Variants in PPP1R7 observed in about 807,000 individuals in gnomAD.
PPP1R7 encodes the protein protein phosphatase 1 regulatory subunit 7.
Under a neutral mutation model 45.2 loss-of-function variants are expected in PPP1R7, and 18 were observed. The observed-to-expected ratio is 0.40, with a 90% CI of 0.28 to 0.59. The LOEUF is 0.59. PPP1R7 is among the 20% of genes least tolerant of loss of function. The pLI, the probability that PPP1R7 is intolerant of heterozygous loss-of-function variation, is 0.46. For missense variants in PPP1R7, 314 were observed against 455.8 expected (o/e 0.69, Z 2.83); for synonymous variants, 181 against 183.4 (o/e 0.99, Z 0.11).
At chr2:241,157,952 G>T (rs944739510) in intron 3 of PPP1R7, 90 bp downstream of exon 3, 2 of 1,398,656 alleles carry the variant, frequency 1.4e-6, no homozygotes, top group Non-Finnish European at 2.0e-6. Context: ...TATTTCCCTA[G>T]AGAGGTGGCC....
chr2:241,150,074 G>T (rs2067214002), upstream of PPP1R7: 2 of 1,285,582 alleles, frequency 1.6e-6, no homozygotes, highest in South Asian at 2.0e-5. Flanking sequence ...GGACTGGCCC[G>T]CACCTTGCAG....
chr2:241,166,907 G>A (rs1220244091), intron 8 of PPP1R7: 18 of 721,774 alleles, frequency 2.5e-5, no homozygotes, highest in Middle Eastern at 3.4e-4. Context: ...GAGAGCACAG[G>A]ACCAGCTCTC....
At chr2:241,154,459 G>A (rs187184582) in intron 2 of PPP1R7, among the ~76,000 whole-genome samples, 177 of 152,212 alleles carry the variant, frequency 1.2e-3, no homozygotes, top group African/African-American at 3.6e-3. Flanking sequence ...AGGCCAAGGC[G>A]GGTGGATCAC....
rs149047420 is a variant in PPP1R7 at position 241,168,267 on chromosome 2, G to A, written c.820-1514G>A. 2.8e-3 allele frequency among the ~76,000 whole-genome samples: 430 copies of A among 152,256 alleles called. 7 individuals are homozygous for A. Among genetic ancestry groups the A allele is most frequent in the South Asian group, 1.0e-3 (5 of 4,820 alleles). Reference sequence around the variant, plus strand: ...TCCCTGAGCTCAGAGGTGATGGACCGGTTCTGACAGCCAGAGCCCACCACC... The same window carrying A: ...TCCCTGAGCTCAGAGGTGATGGACCAGTTCTGACAGCCAGAGCCCACCACC... On this transcript the variant is annotated intron_variant, in intron 8 of 9. Transcript: ENST00000234038.
In PPP1R7 at chr2:241,156,896, CTG is replaced by C. The variant is rs558605683; in HGVS notation, c.182-907_182-906del. Among the ~76,000 whole-genome samples the C allele has an allele frequency of 1.3e-4, 20 of 152,170 alleles. No individual in the cohort carries two copies. The East Asian group carries it at 2.3e-3, about 18-fold the overall frequency. On this transcript the variant is annotated intron_variant, in intron 2 of 9. Coordinates refer to ENST00000234038, the MANE Select transcript of PPP1R7 (RefSeq NM_002712.3). ...TGCGTGTTTGTGTGTCTGCATGAGT[CTG>C]TGTATACCACTGTTGTGCATGCGTG...
At chr2:241,169,114 C>T (rs2067770964) in intron 8 of PPP1R7, among the ~76,000 whole-genome samples, 1 of 152,192 alleles carries the variant, frequency 6.6e-6, no homozygotes, top group South Asian at 2.1e-4. Flanking sequence ...ATCCTAAAAA[C>T]ACACTCTTGT....
At chr2:241,167,111 C>T (rs1441963567) in intron 8 of PPP1R7, 1 of 1,594,872 alleles carries the variant, frequency 6.3e-7, no homozygotes, top group Admixed American at 1.7e-5. Flanking sequence ...TCAGCTGCCT[C>T]CAGCTCACCC....
At chr2:241,150,166 G>A, upstream of PPP1R7, 1 of 1,271,090 alleles carries the variant, frequency 7.9e-7, no homozygotes, top group East Asian at 3.4e-5. Context: ...TCAAGCCCAG[G>A]GCGTCTCTCC....
chr2:241,163,161 T>TA, intron 6 of PPP1R7, 124 bp from the exon 7 acceptor site: 3 of 667,200 alleles, frequency 4.5e-6, no homozygotes, highest in Non-Finnish European at 8.1e-6. Context: ...TCTTAGCAGA[T>TA]ACGTCACTAG....
intron 9 of PPP1R7, among the ~76,000 whole-genome samples, chr2:241,174,622 A>G (rs7565364): frequency 0.45 from 67,655 of 151,236 alleles, 15,400 homozygotes; most frequent in East Asian, 0.63. Context: ...AAGAATCACT[A>G]TCTGTGTTGC....
At chr2:241,155,090 G>A (rs1387340111) in intron 2 of PPP1R7, 4 of 152,198 alleles carry the variant, frequency 2.6e-5, no homozygotes, top group Non-Finnish European at 4.4e-5. Flanking sequence ...GGAAGCTTCC[G>A]TCATCGCCTG....
chr2:241,169,466 A>G (rs138896295), intron 8 of PPP1R7, among the ~76,000 whole-genome samples: 330 of 152,356 alleles, frequency 2.2e-3, no homozygotes, highest in Non-Finnish European at 4.0e-3. Flanking sequence ...TCCTGGGACC[A>G]TCAGTCTCAC....
At chr2:241,161,014 G>A (rs946142317) in intron 6 of PPP1R7, among the ~76,000 whole-genome samples, 5 of 143,234 alleles carry the variant, frequency 3.5e-5, no homozygotes, top group African/African-American at 5.3e-5. Flanking sequence ...GTGAATTGAT[G>A]TACATACCGG....
At chr2:241,154,961 A>G (rs988426389) in intron 2 of PPP1R7, 1 of 152,244 alleles carries the variant, frequency 6.6e-6, no homozygotes, top group African/African-American at 2.4e-5. Context: ...AACTATGGCA[A>G]CCTACTTTTA....
chr2:241,169,727 C>T (rs2067782214), intron 8 of PPP1R7, 54 bp from the exon 9 acceptor site: 3 of 1,468,572 alleles, frequency 2.0e-6, no homozygotes, highest in Non-Finnish European at 2.9e-6. Context: ...CGTGGTCATG[C>T]AAATCACTGT....
chr2:241,149,861 C>T, upstream of PPP1R7: 1 of 1,459,320 alleles, frequency 6.9e-7, no homozygotes, highest in Non-Finnish European at 9.0e-7. Context: ...GCCCAGCTGG[C>T]GCCCCGGAGC....
chr2:241,153,583 C>T lies in PPP1R7; in HGVS notation c.160C>T (p.Arg54Trp), dbSNP rs372463197. 1.7e-5 allele frequency: 27 copies of T among 1,613,894 alleles called. 1 individual carries two copies. Among genetic ancestry groups the T allele is most frequent in the Middle Eastern group, 1.7e-4 (1 of 6,034 alleles). The change falls in exon 2 of 10, where the codon CGG becomes TGG. Residue 54 changes from arginine to tryptophan, a missense_variant. Around this residue, in one of 3 missense-constraint regions of PPP1R7, gnomAD observed 112 missense variants for 144.5 expected, o/e 0.78. Transcript: ENST00000234038. ...SEQSLKDGEE[R>W]GEEDPEEEHE... ...ACAGAGCCTGAAGGATGGGGAGGAG[C>T]GGGGGGAGGAGGACCCAGAAGGTAC...
At chr2:241,150,259 C>A (rs1575371118), upstream of PPP1R7, 4 of 1,295,246 alleles carry the variant, frequency 3.1e-6, no homozygotes, top group East Asian at 9.3e-5. Context: ...TCCTTCCCAG[C>A]TTCTCGCCTC....
chr2:241,158,081 A>G (rs544846952), intron 3 of PPP1R7, among the ~76,000 whole-genome samples: 9 of 152,184 alleles, frequency 5.9e-5, no homozygotes, highest in Non-Finnish European at 8.8e-5. Flanking sequence ...TTTGACTCAT[A>G]CATTGTCTGG....
Sources: allele counts gnomAD v4.1 joint callset (sites outside exome capture counted in the v4.1 genomes callset), GRCh38; gene constraint gnomAD v4.1.1; regional missense constraint gnomAD v4.1.1; transcripts MANE v1.5; gene names NCBI Gene and HGNC (gene_info 2026-07-23, HGNC 2026-07-21).